Variants in MDGA2 observed in about 807,000 individuals in gnomAD.
The protein encoded by MDGA2 is MAM domain-containing glycosylphosphatidylinositol anchor protein 2.
In MDGA2, 40 loss-of-function variants were observed where a neutral mutation model predicts 117.8. The ratio of observed to expected loss-of-function variants is 0.34; its 90% CI spans 0.26 to 0.44. MDGA2 has a LOEUF of 0.44. Among genes scored for constraint, MDGA2 ranks in the 20% least tolerant of loss-of-function variants. The pLI is 1.00. For missense variants in MDGA2, 1,123 were observed against 1,250.6 expected, an observed-to-expected ratio of 0.90 and a Z score of 1.54; for synonymous variants, 452 against 439.0, an observed-to-expected ratio of 1.03 and a Z score of -0.37.
intron 1 of MDGA2, among the ~76,000 whole-genome samples, chr14:47,576,408 C>T (rs1566523539): frequency 1.3e-5 from 2 of 152,130 alleles, no homozygotes; most frequent in African/African-American, 4.8e-5. Flanking sequence ...GAATTTGGCT[C>T]TTCATTTCCC....
At chr14:47,548,448 T>G (rs1274276782) in intron 1 of MDGA2, among the ~76,000 whole-genome samples, 2 of 152,146 alleles carry the variant, frequency 1.3e-5, no homozygotes, top group African/African-American at 4.8e-5. Context: ...AATGACTAAT[T>G]TTTTTGCTTA....
chr14:47,267,424 ATT>A (rs1343694752), intron 2 of MDGA2, among the ~76,000 whole-genome samples: 1 of 152,182 alleles, frequency 6.6e-6, no homozygotes, highest in Non-Finnish European at 1.5e-5. Flanking sequence ...GACATAAAAA[ATT>A]TGACTCATTG....
rs954015573 is a variant in MDGA2 at position 46,904,261 on chromosome 14, A to G, written c.2238+15751T>C. Among the ~76,000 whole-genome samples, 17 of 151,242 alleles carry G rather than the reference A, an allele frequency of 1.1e-4. No homozygotes were observed. The Admixed American group carries it at 1.1e-3, about 10-fold the overall frequency. On this transcript the variant is annotated intron_variant, in intron 10 of 16. Coordinates refer to ENST00000399232, the MANE Select transcript of MDGA2 (RefSeq NM_001113498.3). ...GTGGCATATGCCTGTAATCCCAGCTACTCCGGAGGCTGAGGCAAGAGAATT... is the reference window on the plus strand; with the variant it reads ...GTGGCATATGCCTGTAATCCCAGCTGCTCCGGAGGCTGAGGCAAGAGAATT...
At chr14:47,368,810 C>G (rs935804077) in intron 1 of MDGA2, among the ~76,000 whole-genome samples, 2 of 152,010 alleles carry the variant, frequency 1.3e-5, no homozygotes, top group African/African-American at 4.8e-5. Context: ...ATAACATATG[C>G]TTGGAGAAAA....
intron 1 of MDGA2, among the ~76,000 whole-genome samples, chr14:47,481,682 C>A (rs908828856): frequency 6.6e-6 from 1 of 151,972 alleles, no homozygotes; most frequent in Admixed American, 6.6e-5. Context: ...TGCTTAGTTT[C>A]TCCATCCTAG....
rs576202101 is a variant in MDGA2 at position 47,267,292 on chromosome 14, C to T, written c.420+34119G>A. On this transcript the variant is annotated intron_variant, in intron 2 of 16. Coordinates refer to ENST00000399232, the MANE Select transcript of MDGA2 (RefSeq NM_001113498.3). ...AATATTCTAAGTGAAAAAAAACAGT[C>T]TTTAAAATTAAGATCACAAAGGCAA... is the stretch of plus-strand genomic sequence containing the variant. 2.1e-4 allele frequency among the ~76,000 whole-genome samples: 32 copies of T among 151,888 alleles called. No individual in the cohort carries two copies. The South Asian group carries it at 6.2e-3, about 30-fold the overall frequency.
chr14:46,869,351 CTTT>C (rs35619816), intron 14 of MDGA2, among the ~76,000 whole-genome samples: 5,298 of 119,090 alleles, frequency 0.044, 258 homozygotes, highest in African/African-American at 0.15. Context: ...CTATGAGATT[CTTT>C]TTTTTTTTTT....
chr14:46,853,158 C>G (rs370367017), intron 15 of MDGA2, among the ~76,000 whole-genome samples: 1 of 151,700 alleles, frequency 6.6e-6, no homozygotes, highest in East Asian at 1.9e-4. Flanking sequence ...GATGAAAAAT[C>G]CAATGACTTA....
intron 10 of MDGA2, among the ~76,000 whole-genome samples, chr14:46,888,712 C>CTT (rs929611180): frequency 1.4e-5 from 2 of 143,740 alleles, no homozygotes; most frequent in Admixed American, 7.0e-5. Context: ...ATGTTTTCCT[C>CTT]TTTTTTTTTT....
At position 47,069,754 on chromosome 14, in the gene MDGA2, C is replaced by T. The variant is rs114816100; in HGVS notation, c.1196-8176G>A. Reference sequence around the variant, plus strand: ...GAGATGTAGAATATTGCAACCAGATCCATGCATATTTCAATTTAAAAGAAA... The same window carrying T: ...GAGATGTAGAATATTGCAACCAGATTCATGCATATTTCAATTTAAAAGAAA... On this transcript the variant is annotated intron_variant, in intron 6 of 16. Coordinates refer to ENST00000399232, the MANE Select transcript of MDGA2 (RefSeq NM_001113498.3). Among the ~76,000 whole-genome samples, 1,399 of 152,172 alleles carry T rather than the reference C, an allele frequency of 9.2e-3. 27 individuals are homozygous for T. The highest frequency in any genetic ancestry group is 0.032 in the African/African-American group (1,342 of 41,500).
At chr14:47,111,780 T>C (rs1881051641) in intron 5 of MDGA2, among the ~76,000 whole-genome samples, 1 of 152,118 alleles carries the variant, frequency 6.6e-6, no homozygotes, top group South Asian at 2.1e-4. Context: ...AAGAAACAAC[T>C]ATCTAATATA....
chr14:47,165,209 C>T (rs1231669391), intron 3 of MDGA2, among the ~76,000 whole-genome samples: 2 of 151,988 alleles, frequency 1.3e-5, no homozygotes, highest in African/African-American at 4.8e-5. Flanking sequence ...ATGTAACAAA[C>T]CTGCACATTG....
rs1885617139 is a variant in MDGA2 at position 46,957,657 on chromosome 14, A to G, written c.1820-14T>C. ...CTGCAGGGGGATCTGTAGAAAAGAT[A>G]TGTAAAAACAGATGAAAGATGTGAC... On this transcript the variant is annotated splice_polypyrimidine_tract_variant and intron_variant, in intron 8 of 16. Coordinates refer to ENST00000399232, the MANE Select transcript of MDGA2 (RefSeq NM_001113498.3). 1 of 1,612,570 alleles carries G rather than the reference A, an allele frequency of 6.2e-7. No homozygotes were observed. The highest frequency in any genetic ancestry group is 1.7e-5 in the Admixed American group (1 of 59,882).
At chr14:47,035,530 A>G (rs1187494431) in intron 7 of MDGA2, among the ~76,000 whole-genome samples, 1 of 152,218 alleles carries the variant, frequency 6.6e-6, no homozygotes. Context: ...AAAATAAATA[A>G]GGCATTCAAT....
At chr14:47,493,298 TA>T (rs1236890071) in intron 1 of MDGA2, among the ~76,000 whole-genome samples, 4 of 148,412 alleles carry the variant, frequency 2.7e-5, no homozygotes, top group Non-Finnish European at 4.5e-5. Flanking sequence ...TATTTATATA[TA>T]ATTTTATATA....
At chr14:47,099,963 G>A (rs780699860) in intron 5 of MDGA2, among the ~76,000 whole-genome samples, 2 of 151,962 alleles carry the variant, frequency 1.3e-5, no homozygotes, top group Non-Finnish European at 2.9e-5. Context: ...TTAGTAACAC[G>A]AGGCAGTAAA....
chr14:47,663,415 TCAGA>T (rs1389438284), intron 1 of MDGA2, among the ~76,000 whole-genome samples: 1 of 152,224 alleles, frequency 6.6e-6, no homozygotes, highest in Non-Finnish European at 1.5e-5. Flanking sequence ...GAGTTAATAT[TCAGA>T]CATGGAGAAT....
At chr14:47,002,894 G>C (rs1382248691) in intron 8 of MDGA2, among the ~76,000 whole-genome samples, 1 of 151,954 alleles carries the variant, frequency 6.6e-6, no homozygotes, top group Non-Finnish European at 1.5e-5. Flanking sequence ...GATAATTACT[G>C]ACATATACTT....
At chr14:47,146,311 T>A (rs982723303) in intron 3 of MDGA2, among the ~76,000 whole-genome samples, 1 of 152,192 alleles carries the variant, frequency 6.6e-6, no homozygotes, top group Non-Finnish European at 1.5e-5. Context: ...ATCAGAATAT[T>A]TTCACAGCTA....
Sources: gnomAD v4.1 joint callset for allele counts (sites outside exome capture counted in the v4.1 genomes callset) on GRCh38, gnomAD v4.1.1 for gene constraint, MANE v1.5 for transcripts, NCBI Gene and HGNC (gene_info 2026-07-23, HGNC 2026-07-21) for gene names.